MGAT4C: variants seen among roughly 807,000 people sequenced by gnomAD.
MGAT4C encodes the protein MGAT4 family member C, also known as alpha-1,3-mannosyl-glycoprotein 4-beta-N-acetylglucosaminyltransferase C.
Under a neutral mutation model 40.1 loss-of-function variants are expected in MGAT4C, and 19 were observed. That is an observed-to-expected ratio of 0.47 (90% CI 0.33 to 0.70). The LOEUF (loss-of-function observed/expected upper bound fraction) is 0.70. MGAT4C is among the 30% of genes least tolerant of loss of function. The pLI, the probability that MGAT4C is intolerant of heterozygous loss-of-function variation, is 0.02. For missense variants in MGAT4C, 491 were observed against 563.2 expected, an observed-to-expected ratio of 0.87 and a Z score of 1.30; for synonymous variants, 181 against 187.1, an observed-to-expected ratio of 0.97 and a Z score of 0.27.
intron 1 of MGAT4C, among the ~76,000 whole-genome samples, chr12:86,797,384 T>C (rs1052925182): frequency 1.3e-5 from 2 of 151,852 alleles, no homozygotes; most frequent in Non-Finnish European, 2.9e-5. Flanking sequence ...TTCTACTTCC[T>C]CACATTCAAC....
At chr12:86,405,473 A>G (rs915961928) in intron 3 of MGAT4C, among the ~76,000 whole-genome samples, 22 of 152,180 alleles carry the variant, frequency 1.4e-4, no homozygotes, top group African/African-American at 5.3e-4. Context: ...CTGATAAAAG[A>G]AATAACTGAA....
chr12:86,359,318 A>G (rs1322740825), intron 3 of MGAT4C, among the ~76,000 whole-genome samples: 3 of 152,222 alleles, frequency 2.0e-5, no homozygotes, highest in African/African-American at 7.2e-5. Flanking sequence ...TCTGGGACAC[A>G]TTTAAAGCCG....
At chr12:86,381,290 C>T (rs561028776) in intron 3 of MGAT4C, among the ~76,000 whole-genome samples, 16 of 152,228 alleles carry the variant, frequency 1.1e-4, no homozygotes, top group African/African-American at 3.4e-4. Context: ...ATCACAAATT[C>T]AGATTTAGAG....
intron 4 of MGAT4C, among the ~76,000 whole-genome samples, chr12:86,323,192 C>G (rs879315723): frequency 6.7e-6 from 1 of 150,206 alleles, no homozygotes; most frequent in Non-Finnish European, 1.5e-5. Flanking sequence ...GCTGGAAAAA[C>G]AATTTATAAT....
At chr12:86,601,554 C>T (rs372667509) in intron 2 of MGAT4C, among the ~76,000 whole-genome samples, 9 of 152,104 alleles carry the variant, frequency 5.9e-5, no homozygotes, top group East Asian at 1.9e-4. Context: ...CCACCTTGCT[C>T]ACCCTCCAAT....
chr12:86,741,814 C>T (rs1029620556), intron 1 of MGAT4C, among the ~76,000 whole-genome samples: 5 of 151,334 alleles, frequency 3.3e-5, no homozygotes, highest in Non-Finnish European at 7.4e-5. Context: ...TGAATAGGAT[C>T]TCCCTTTAGA....
intron 2 of MGAT4C, among the ~76,000 whole-genome samples, chr12:86,530,915 TTACA>T (rs1958970944): frequency 6.6e-6 from 1 of 152,080 alleles, no homozygotes; most frequent in South Asian, 2.1e-4. Context: ...TACATATATC[TTACA>T]TAGATAGAAA....
At chr12:86,652,533 G>A (rs1178920083) in intron 2 of MGAT4C, among the ~76,000 whole-genome samples, 1 of 151,738 alleles carries the variant, frequency 6.6e-6, no homozygotes, top group African/African-American at 2.4e-5. Flanking sequence ...ATTCTAGCTG[G>A]GCAAATAATT....
At chr12:86,622,321 T>C (rs913713842) in intron 2 of MGAT4C, among the ~76,000 whole-genome samples, 4 of 152,120 alleles carry the variant, frequency 2.6e-5, no homozygotes, top group Non-Finnish European at 2.9e-5. Context: ...TAAGCCTGTA[T>C]AGAGAGCTCT....
chr12:86,248,216 TTCCTTCCTTCCTTCC>T (rs1566219034), intron 1 of MGAT4C, among the ~76,000 whole-genome samples: 2 of 149,290 alleles, frequency 1.3e-5, no homozygotes, highest in Admixed American at 6.6e-5. Flanking sequence ...CCTTCCTTCC[TTCCTTCCTTCCTTCC>T]TTCCTTCCTT....
chr12:86,287,959 C>T (rs1010784681), intron 4 of MGAT4C, among the ~76,000 whole-genome samples: 2 of 152,200 alleles, frequency 1.3e-5, no homozygotes, highest in Non-Finnish European at 2.9e-5. Context: ...AATTTACACT[C>T]CCACCAACAG....
chr12:86,720,430 A>G (rs1219040377), intron 2 of MGAT4C, among the ~76,000 whole-genome samples: 1 of 152,218 alleles, frequency 6.6e-6, no homozygotes, highest in Non-Finnish European at 1.5e-5. Context: ...AAGGAGAGTC[A>G]AAGAGCTGGT....
intron 2 of MGAT4C, among the ~76,000 whole-genome samples, chr12:86,664,999 A>G (rs1355597582): frequency 4.6e-5 from 7 of 152,122 alleles, no homozygotes; most frequent in African/African-American, 1.7e-4. Flanking sequence ...TCATTGAAGC[A>G]ATGTAAGTTG....
intron 3 of MGAT4C, among the ~76,000 whole-genome samples, chr12:86,353,293 G>A (rs893606836): frequency 4.6e-5 from 7 of 151,976 alleles, no homozygotes; most frequent in African/African-American, 7.2e-5. Context: ...ACTCTCTTCC[G>A]CTGAATAAAA....
At chr12:86,582,029 G>T (rs1411570176) in intron 2 of MGAT4C, among the ~76,000 whole-genome samples, 2 of 151,348 alleles carry the variant, frequency 1.3e-5, no homozygotes, top group African/African-American at 2.4e-5. Flanking sequence ...ACAAGTTTTT[G>T]ACTTCATTCA....
chr12:86,252,203 A>C (rs1952319832), intron 1 of MGAT4C, among the ~76,000 whole-genome samples: 1 of 152,014 alleles, frequency 6.6e-6, no homozygotes, highest in Non-Finnish European at 1.5e-5. Context: ...ATAAAAAATC[A>C]CATTCGTACT....
In MGAT4C at chr12:85,968,421, C is replaced by T. The variant is rs1296533592; in HGVS notation, c.*10868G>A. On this transcript the variant is annotated 3_prime_UTR_variant, in exon 5 of 5. Coordinates refer to ENST00000611864, the MANE Select transcript of MGAT4C (RefSeq NM_001351288.2). ...GAAAACAGATCACTTACGTAGTTCT[C>T]CAAAAACGAGAGTCCCAGATTCAAT... The T allele has an allele frequency of 6.6e-6, 1 of 151,886 alleles. No homozygotes were observed. Among genetic ancestry groups the T allele is most frequent in the Non-Finnish European group, 1.5e-5 (1 of 67,900 alleles). The allele number at this position is 151,886 out of a possible 1,614,324, so 9.4% of individuals were successfully genotyped here. A position where few individuals can be genotyped will look rare whatever the true frequency, so the allele number is the denominator to read the frequency against.
intron 3 of MGAT4C, among the ~76,000 whole-genome samples, chr12:86,387,583 T>C (rs1385321341): frequency 6.6e-6 from 1 of 152,100 alleles, no homozygotes; most frequent in African/African-American, 2.4e-5. Context: ...ATAGTAAAAG[T>C]GTATTTAAAC....
At chr12:86,721,909 G>A (rs1390429135) in intron 2 of MGAT4C, among the ~76,000 whole-genome samples, 3 of 152,088 alleles carry the variant, frequency 2.0e-5, no homozygotes, top group African/African-American at 7.2e-5. Context: ...GACATTTGAT[G>A]CAGGTAGAAT....
Sources: gnomAD v4.1 joint callset for allele counts (sites outside exome capture counted in the v4.1 genomes callset) on GRCh38, gnomAD v4.1.1 for gene constraint, MANE v1.5 for transcripts, NCBI Gene and HGNC (gene_info 2026-07-23, HGNC 2026-07-21) for gene names.